Variants in GRIK2 observed in about 807,000 individuals in gnomAD.
GRIK2 encodes the protein glutamate ionotropic receptor kainate type subunit 2, also known as glutamate receptor ionotropic, kainate 2.
A neutral mutation model predicts 100.3 loss-of-function variants in GRIK2; 32 were observed. That is an observed-to-expected ratio of 0.32 (90% CI 0.24 to 0.43). GRIK2 has a LOEUF of 0.43. Ranked by LOEUF, GRIK2 falls within the 20% of genes least tolerant of loss-of-function variation. The pLI, the probability that GRIK2 is intolerant of heterozygous loss-of-function variation, is 1.00. For synonymous variants in GRIK2, 417 were observed against 389.4 expected, an observed-to-expected ratio of 1.07 and a Z score of -0.83; for missense variants, 843 against 1,114.9, an observed-to-expected ratio of 0.76 and a Z score of 3.47.
intron 10 of GRIK2, among the ~76,000 whole-genome samples, chr6:101,846,745 GTC>G (rs1457575207): frequency 1.3e-5 from 2 of 151,960 alleles, no homozygotes; most frequent in African/African-American, 4.8e-5. Flanking sequence ...TGATAGCAGT[GTC>G]TCTGTAGAAA....
At chr6:101,446,434 TTG>T (rs1229650948) in intron 2 of GRIK2, among the ~76,000 whole-genome samples, 1 of 151,948 alleles carries the variant, frequency 6.6e-6, no homozygotes, top group East Asian at 1.9e-4. Context: ...ATGATTTTTT[TTG>T]TTACAATGAA....
At chr6:101,922,077 T>TTCCTTCCC (rs1789559242) in intron 12 of GRIK2, among the ~76,000 whole-genome samples, 2 of 46,752 alleles carry the variant, frequency 4.3e-5, no homozygotes, top group Admixed American at 2.2e-4. Flanking sequence ...CTTTCTCCAT[T>TTCCTTCCC]TCCTTCCTTC....
chr6:101,916,233 T>C (rs1789095282), intron 12 of GRIK2, among the ~76,000 whole-genome samples: 1 of 151,480 alleles, frequency 6.6e-6, no homozygotes, highest in Non-Finnish European at 1.5e-5. Context: ...TAACATTTAT[T>C]CCATAATATT....
intron 10 of GRIK2, among the ~76,000 whole-genome samples, chr6:101,855,484 A>G (rs1784376388): frequency 6.6e-6 from 1 of 152,170 alleles, no homozygotes; most frequent in South Asian, 2.1e-4. Flanking sequence ...TTAAATGACG[A>G]GAAAACAACC....
chr6:101,761,129 G>C (rs945708171), intron 7 of GRIK2, among the ~76,000 whole-genome samples: 9 of 152,058 alleles, frequency 5.9e-5, no homozygotes, highest in African/African-American at 2.2e-4. Context: ...AGCATTCAGG[G>C]AGAAGAGGAC....
chr6:101,736,761 A>G (rs551613209), intron 7 of GRIK2, among the ~76,000 whole-genome samples: 123 of 152,320 alleles, frequency 8.1e-4, no homozygotes, highest in African/African-American at 2.8e-3. Context: ...CTTGGGGATT[A>G]ATATTCAGCT....
intron 2 of GRIK2, among the ~76,000 whole-genome samples, chr6:101,479,077 C>A (rs1045077131): frequency 6.6e-6 from 1 of 152,134 alleles, no homozygotes; most frequent in Non-Finnish European, 1.5e-5. Flanking sequence ...AAGTTGACAG[C>A]TTGTTCTCAT....
chr6:101,810,841 T>A (rs1409953056), intron 9 of GRIK2, among the ~76,000 whole-genome samples: 1 of 151,958 alleles, frequency 6.6e-6, no homozygotes, highest in Non-Finnish European at 1.5e-5. Context: ...AAAACTAATC[T>A]GTTGAAAAAA....
At chr6:101,432,510 G>A (rs187903939) in intron 2 of GRIK2, among the ~76,000 whole-genome samples, 15 of 152,252 alleles carry the variant, frequency 9.9e-5, no homozygotes, top group African/African-American at 3.6e-4. Context: ...ACGCCTAACA[G>A]GTTGTAGGAA....
intron 14 of GRIK2, among the ~76,000 whole-genome samples, chr6:101,988,136 CGCGCGCGCGCGCGCGCGCGT>C (rs747664037): frequency 0.21 from 4,331 of 21,046 alleles, 97 homozygotes; most frequent in South Asian, 0.33. Flanking sequence ...TGTGTGTGCG[CGCGCGCGCGCGCGCGCGCGT>C]GCGCGCACAT....
chr6:101,981,173 T>C (rs1793695925), intron 14 of GRIK2, among the ~76,000 whole-genome samples: 1 of 151,852 alleles, frequency 6.6e-6, no homozygotes, highest in Non-Finnish European at 1.5e-5. Context: ...TCCCACTCAC[T>C]CCTTCTATTT....
chr6:101,633,104 C>T (rs552174188), intron 4 of GRIK2, among the ~76,000 whole-genome samples: 3 of 151,990 alleles, frequency 2.0e-5, no homozygotes, highest in Non-Finnish European at 4.4e-5. Flanking sequence ...AAAAAGCTAG[C>T]GTAGGAGAGA....
At chr6:101,394,061 C>A (rs894661110) in intron 1 of GRIK2, among the ~76,000 whole-genome samples, 4 of 152,194 alleles carry the variant, frequency 2.6e-5, no homozygotes, top group Non-Finnish European at 4.4e-5. Flanking sequence ...GTCAAGCATG[C>A]AAGTGGCTCT....
intron 7 of GRIK2, among the ~76,000 whole-genome samples, chr6:101,784,087 G>A (rs566288090): frequency 4.6e-5 from 7 of 152,322 alleles, no homozygotes; most frequent in South Asian, 2.1e-4. Flanking sequence ...CATAAGTAAC[G>A]AGGAGCGGAA....
chr6:101,812,228 G>A (rs910770272), intron 9 of GRIK2, among the ~76,000 whole-genome samples: 1 of 151,554 alleles, frequency 6.6e-6, no homozygotes, highest in Non-Finnish European at 1.5e-5. Flanking sequence ...TTTGCCAAAT[G>A]AATGAATGAT....
chr6:102,009,323 A>T (rs1795402306), intron 14 of GRIK2, among the ~76,000 whole-genome samples: 1 of 152,068 alleles, frequency 6.6e-6, no homozygotes, highest in Admixed American at 6.6e-5. Context: ...ATAAATTTCA[A>T]GTTTATTCAG....
chr6:101,818,587 A>G, intron 10 of GRIK2, 104 bp downstream of exon 10: 1 of 664,534 alleles, frequency 1.5e-6, no homozygotes, highest in Non-Finnish European at 2.7e-6. Flanking sequence ...AATGTATTTT[A>G]CAGTTATTTA....
chr6:102,043,449 CTTTCTG>C (rs1407768358), intron 15 of GRIK2, among the ~76,000 whole-genome samples: 2 of 151,872 alleles, frequency 1.3e-5, no homozygotes, highest in African/African-American at 2.4e-5. Context: ...CCAGCCTCTG[CTTTCTG>C]TTTCTATCAG....
chr6:102,006,290 T>TATC (rs1278174188), intron 14 of GRIK2, among the ~76,000 whole-genome samples: 3 of 148,172 alleles, frequency 2.0e-5, no homozygotes, highest in East Asian at 3.9e-4. Flanking sequence ...TGAAGGAGGC[T>TATC]ATCTTTTATT....
Sources: gnomAD v4.1 joint callset for allele counts (sites outside exome capture counted in the v4.1 genomes callset) on GRCh38, gnomAD v4.1.1 for gene constraint, MANE v1.5 for transcripts, NCBI Gene and HGNC (gene_info 2026-07-23, HGNC 2026-07-21) for gene names.